The following ITGA1 variants were observed in gnomAD, a reference collection of about 807,000 sequenced individuals.
The protein encoded by ITGA1 is integrin subunit alpha 1, also known as integrin alpha-1.
Under a neutral mutation model 145.9 loss-of-function variants are expected in ITGA1, and 85 were observed. That is an observed-to-expected ratio of 0.58 (90% CI 0.49 to 0.70). The LOEUF is 0.70. Ranked by LOEUF, ITGA1 falls within the 30% of genes least tolerant of loss-of-function variation. The pLI, the probability that ITGA1 is intolerant of heterozygous loss-of-function variation, is 0.00. For missense variants in ITGA1, 1,351 were observed against 1,418.7 expected, an observed-to-expected ratio of 0.95 and a Z score of 0.77; for synonymous variants, 520 against 495.3, an observed-to-expected ratio of 1.05 and a Z score of -0.66.
rs1311841870 is a variant in ITGA1, at chr5:52,920,326, T to G, written c.2156-6T>G. The stretch of plus-strand genomic sequence containing the variant: ...TTCCATCAATTATTTTTTAAAATTT[T>G]TGTAGATTTGCAGTACCGTGTCACC... On this transcript the variant is annotated splice_region_variant and splice_polypyrimidine_tract_variant and intron_variant, in intron 16 of 28. Transcript: ENST00000282588. The G allele has an allele frequency of 4.4e-6, 7 of 1,577,848 alleles. No individual in the cohort carries two copies. The highest frequency in any genetic ancestry group is 6.0e-6 in the Non-Finnish European group (7 of 1,165,320).
In ITGA1 at chr5:52,929,930, G is replaced by T. The variant is rs536304961; in HGVS notation, c.2771+229G>T. ...ATAATTCACCTAGATTAAAGCAATG[G>T]TTCTATGAGCTATAGAAGATACCAT... is the stretch of plus-strand genomic sequence containing the variant. On this transcript the variant is annotated intron_variant, in intron 21 of 28. Coordinates refer to ENST00000282588, the MANE Select transcript of ITGA1 (RefSeq NM_181501.2). 2.6e-5 allele frequency among the ~76,000 whole-genome samples: 4 copies of T among 152,120 alleles called. No homozygotes were observed. The East Asian group carries it at 7.7e-4, about 29-fold the overall frequency.
chr5:52,817,447 A>G (rs1310798393), intron 1 of ITGA1, among the ~76,000 whole-genome samples: 1 of 152,228 alleles, frequency 6.6e-6, no homozygotes, highest in African/African-American at 2.4e-5. Flanking sequence ...CCTAGGAGTG[A>G]TCTGGTTACA....
At chr5:52,893,369 T>G (rs1561240058) in intron 8 of ITGA1, among the ~76,000 whole-genome samples, 1 of 152,186 alleles carries the variant, frequency 6.6e-6, no homozygotes, top group African/African-American at 2.4e-5. Flanking sequence ...ATAACATTAC[T>G]TTTGAACTGT....
At chr5:52,848,460 C>T (rs1390714295) in intron 1 of ITGA1, among the ~76,000 whole-genome samples, 1 of 152,146 alleles carries the variant, frequency 6.6e-6, no homozygotes, top group African/African-American at 2.4e-5. Context: ...CTTTTCCACA[C>T]ATTCTGAAAA....
In ITGA1 at chr5:52,905,831, A is replaced by G. The variant is rs1474779717; in HGVS notation, c.1378A>G (p.Asn460Asp). 1 of 1,613,698 alleles carries G rather than the reference A, an allele frequency of 6.2e-7. No homozygotes were observed. The highest frequency in any genetic ancestry group is 2.2e-5 in the East Asian group (1 of 44,868). ...CTATATTGCTGGACAGCCTCGGTAC[A>G]ATCATACAGGCCAGGTCATTATCTA... ...VLYIAGQPRY[N>D]HTGQVIIYRM... is the part of the protein sequence containing the mutation. The change falls in exon 12 of 29, where the codon AAT becomes GAT. Residue 460 changes from asparagine (N) to aspartate (D), a missense_variant. Coordinates refer to ENST00000282588, the MANE Select transcript of ITGA1 (RefSeq NM_181501.2).
chr5:52,870,650 T>G (rs969651604), intron 6 of ITGA1, among the ~76,000 whole-genome samples: 1 of 152,212 alleles, frequency 6.6e-6, no homozygotes, highest in Non-Finnish European at 1.5e-5. Flanking sequence ...CAGAGGTCAC[T>G]GCACTGGAGT....
chr5:52,950,535 C>T (rs1034474870), intron 28 of ITGA1, among the ~76,000 whole-genome samples: 1 of 152,120 alleles, frequency 6.6e-6, no homozygotes, highest in Non-Finnish European at 1.5e-5. Context: ...AAAATGAAAG[C>T]CAGTGCTGCA....
intron 1 of ITGA1, among the ~76,000 whole-genome samples, chr5:52,848,590 T>A (rs1749374798): frequency 6.6e-6 from 1 of 152,298 alleles, no homozygotes; most frequent in South Asian, 2.1e-4. Context: ...ATTATTTTTT[T>A]ATTACACTTT....
chr5:52,941,818 T>C (rs1751057800), intron 26 of ITGA1, among the ~76,000 whole-genome samples: 2 of 152,366 alleles, frequency 1.3e-5, no homozygotes, highest in South Asian at 4.1e-4. Flanking sequence ...TTGTTGCAAT[T>C]GCTTTTAGAG....
intron 6 of ITGA1, among the ~76,000 whole-genome samples, chr5:52,871,111 G>A (rs1204409218): frequency 2.6e-5 from 4 of 152,260 alleles, no homozygotes; most frequent in African/African-American, 7.2e-5. Context: ...TTCTTACCTC[G>A]TGTAAGCCCT....
chr5:52,862,240 AG>A (rs1342361702), intron 3 of ITGA1, among the ~76,000 whole-genome samples: 4 of 151,480 alleles, frequency 2.6e-5, no homozygotes, highest in African/African-American at 7.3e-5. Flanking sequence ...AAAAAAGAAA[AG>A]AAAAAAAACA....
At chr5:52,789,342 CATT>C (rs953405577) in intron 1 of ITGA1, among the ~76,000 whole-genome samples, 36 of 152,234 alleles carry the variant, frequency 2.4e-4, no homozygotes, top group African/African-American at 8.4e-4. Context: ...TTTAACATAT[CATT>C]GATATTCAAT....
intron 1 of ITGA1, 22 bp downstream of exon 1, chr5:52,788,436 G>A (rs1401483232): frequency 6.7e-7 from 1 of 1,494,512 alleles, no homozygotes; most frequent in East Asian, 2.8e-5. Flanking sequence ...GCTTTTCTCT[G>A]AGCATCTCCT....
intron 6 of ITGA1, among the ~76,000 whole-genome samples, chr5:52,877,374 C>T (rs370894541): frequency 1.3e-5 from 2 of 151,974 alleles, no homozygotes; most frequent in Non-Finnish European, 1.5e-5. Context: ...AGGTAGGAGG[C>T]GAGACTTGAC....
intron 6 of ITGA1, among the ~76,000 whole-genome samples, chr5:52,879,083 C>A (rs1749913828): frequency 6.6e-6 from 1 of 151,838 alleles, no homozygotes; most frequent in East Asian, 1.9e-4. Flanking sequence ...TTGGGATTGA[C>A]CTGCTGACAA....
intron 26 of ITGA1, among the ~76,000 whole-genome samples, chr5:52,943,534 A>C (rs965887962): frequency 6.6e-6 from 1 of 152,170 alleles, no homozygotes; most frequent in African/African-American, 2.4e-5. Flanking sequence ...GTATTTGCTC[A>C]TGTTTGCAGG....
intron 6 of ITGA1, among the ~76,000 whole-genome samples, chr5:52,866,592 G>A (rs1749691713): frequency 6.6e-6 from 1 of 152,078 alleles, no homozygotes; most frequent in African/African-American, 2.4e-5. Context: ...TGTCCTTTCT[G>A]TTAATAATTT....
chr5:52,798,345 G>C (rs1748386551), intron 1 of ITGA1, among the ~76,000 whole-genome samples: 1 of 152,122 alleles, frequency 6.6e-6, no homozygotes, highest in Non-Finnish European at 1.5e-5. Context: ...ATAAGTAGTG[G>C]TTCTTATTTG....
At chr5:52,838,150 T>G (rs1749189619) in intron 1 of ITGA1, among the ~76,000 whole-genome samples, 1 of 152,204 alleles carries the variant, frequency 6.6e-6, no homozygotes, top group Admixed American at 6.5e-5. Context: ...AGGAAATATT[T>G]GGTAGTGAAT....
Sources: allele counts gnomAD v4.1 joint callset (sites outside exome capture counted in the v4.1 genomes callset), GRCh38; gene constraint gnomAD v4.1.1; transcripts MANE v1.5; gene names NCBI Gene and HGNC (gene_info 2026-07-23, HGNC 2026-07-21).